RIPOR2: variants seen among roughly 807,000 people sequenced by gnomAD.
RIPOR2 encodes the protein RHO family interacting cell polarization regulator 2.
In RIPOR2, 39 loss-of-function variants were observed where a neutral mutation model predicts 114.5. The observed-to-expected ratio is 0.34, with a 90% confidence interval of 0.26 to 0.44. The LOEUF (loss-of-function observed/expected upper bound fraction) is 0.44, where lower values mean the gene tolerates loss of function less well. Among genes scored for constraint, RIPOR2 ranks in the 20% least tolerant of loss-of-function variants. The probability of loss-of-function intolerance (pLI) is 1.00; values close to 1 mark genes in which losing one functional copy is unlikely to be tolerated. For synonymous variants in RIPOR2, 445 were observed against 484.4 expected (o/e 0.92, Z 1.07); for missense variants, 1,007 against 1,255.1 (o/e 0.80, Z 2.99).
chr6:24,865,414 G>T lies in RIPOR2; in HGVS notation c.538C>A (p.Arg180Ser), dbSNP rs772462076. ...ATTTTGCTGGCACCATCCTGGAGGCGTCGCTGGATACAATAAGCTTCATAG... is the reference window on the plus strand; with the variant it reads ...ATTTTGCTGGCACCATCCTGGAGGCTTCGCTGGATACAATAAGCTTCATAG... ...ELYEAYCIQR[R>S]LQDGASKMKQ... is the part of the protein sequence containing the mutation. Residue 180 changes from arginine to serine, a missense_variant, in exon 7 of 22, where the codon CGC becomes AGC. By Grantham distance (110) the Arg-to-Ser change is moderately radical. Coordinates refer to ENST00000643898, the MANE Select transcript of RIPOR2 (RefSeq NM_001286445.3). The T allele has an allele frequency of 6.2e-7, 1 of 1,613,330 alleles. No homozygotes were observed. The highest frequency in any genetic ancestry group is 2.2e-5 in the East Asian group (1 of 44,848).
At chr6:25,020,500 G>A (rs1776267269) in intron 1 of RIPOR2, among the ~76,000 whole-genome samples, 1 of 152,196 alleles carries the variant, frequency 6.6e-6, no homozygotes. Context: ...GTGAATGAGA[G>A]CATCAACATA....
intron 1 of RIPOR2, among the ~76,000 whole-genome samples, chr6:24,963,962 T>A (rs544936609): frequency 2.6e-5 from 4 of 152,296 alleles, no homozygotes; most frequent in Admixed American, 6.5e-5. Context: ...TCTCTCAGGC[T>A]GGTCTCGAAT....
Position 24,835,729 on chromosome 6 carries a change from G to A in RIPOR2, c.2182C>T (p.Leu728Phe), listed in dbSNP as rs61733144. The change falls in exon 15 of 22, where the codon CTC becomes TTC. Residue 728 changes from leucine (L) to phenylalanine (F), a missense_variant. Leu to Phe is a conservative substitution (Grantham distance 22). Coordinates refer to ENST00000643898, the MANE Select transcript of RIPOR2 (RefSeq NM_001286445.3). ...ESLDITIVRH[L>F]QYCTQLVQQI... ...TGCACGAGTTGGGTGCAGTACTGGA[G>A]GTGCCTGACGATGGTGATGTCCAGG... 33 of 1,551,530 alleles carry A rather than the reference G, an allele frequency of 2.1e-5. No homozygotes were observed. The African/African-American group carries it at 3.8e-4, about 18-fold the overall frequency.
intron 1 of RIPOR2, among the ~76,000 whole-genome samples, chr6:24,919,867 C>A (rs1276455510): frequency 2.6e-5 from 4 of 152,184 alleles, no homozygotes; most frequent in African/African-American, 4.8e-5. Flanking sequence ...AATACACTCG[C>A]CCTCTTGTCG....
chr6:24,860,763 A>G (rs550743873), intron 8 of RIPOR2, among the ~76,000 whole-genome samples: 17 of 152,300 alleles, frequency 1.1e-4, no homozygotes, highest in African/African-American at 3.8e-4. Context: ...ACTTCTGTGT[A>G]TGTTTGAGAT....
At chr6:25,029,176 T>C (rs1209366453) in intron 1 of RIPOR2, among the ~76,000 whole-genome samples, 1 of 151,850 alleles carries the variant, frequency 6.6e-6, no homozygotes, top group African/African-American at 2.4e-5. Context: ...TAGTCCCAAG[T>C]ACTCGGGAGG....
chr6:24,939,749 T>C (rs1772020179), upstream of RIPOR2, among the ~76,000 whole-genome samples: 1 of 152,224 alleles, frequency 6.6e-6, no homozygotes, highest in Non-Finnish European at 1.5e-5. Flanking sequence ...TTTTCAGTGA[T>C]TGAGGCAAAC....
chr6:24,892,906 A>T (rs1237345503), intron 1 of RIPOR2, among the ~76,000 whole-genome samples: 5 of 152,202 alleles, frequency 3.3e-5, no homozygotes, highest in African/African-American at 4.8e-5. Flanking sequence ...ATAATTTGCT[A>T]ATTTTGTCAG....
chr6:24,971,901 A>G (rs1227158369), intron 1 of RIPOR2, among the ~76,000 whole-genome samples: 1 of 152,020 alleles, frequency 6.6e-6, no homozygotes, highest in African/African-American at 2.4e-5. Context: ...CAACTATAAA[A>G]TGAGGAGAGT....
intron 1 of RIPOR2, among the ~76,000 whole-genome samples, chr6:25,031,699 T>TTTTATA (rs1776950839): frequency 2.8e-5 from 1 of 35,462 alleles, no homozygotes; most frequent in Admixed American, 3.5e-4. Flanking sequence ...TAGGTGGTAG[T>TTTTATA]TATATATATA....
At chr6:24,978,656 T>C (rs1474277172) in intron 1 of RIPOR2, among the ~76,000 whole-genome samples, 2 of 152,220 alleles carry the variant, frequency 1.3e-5, no homozygotes, top group African/African-American at 4.8e-5. Flanking sequence ...TTGGGAATAT[T>C]GCTCTGCGAT....
intron 1 of RIPOR2, among the ~76,000 whole-genome samples, chr6:24,973,482 T>G (rs1184171831): frequency 6.6e-6 from 1 of 151,394 alleles, no homozygotes; most frequent in Non-Finnish European, 1.5e-5. Flanking sequence ...GGCGTGCGTC[T>G]GCTACTTGGG....
At chr6:25,025,422 G>C (rs1478477885) in intron 1 of RIPOR2, among the ~76,000 whole-genome samples, 1 of 152,088 alleles carries the variant, frequency 6.6e-6, no homozygotes, top group Non-Finnish European at 1.5e-5. Context: ...CTAGGGGAAT[G>C]CTGGGTGCGT....
intron 13 of RIPOR2, 154 bp from the exon 14 acceptor site, chr6:24,839,426 C>A: frequency 7.0e-7 from 1 of 1,427,892 alleles, no homozygotes; most frequent in Non-Finnish European, 9.3e-7. Flanking sequence ...ATCTTTATAT[C>A]CAAAAAAGAA....
intron 1 of RIPOR2, among the ~76,000 whole-genome samples, chr6:25,032,726 C>T (rs150656331): frequency 9.2e-5 from 14 of 152,232 alleles, no homozygotes; most frequent in African/African-American, 2.9e-4. Context: ...CAATACAATC[C>T]GCTTTACAAT....
chr6:24,847,742 T>C, intron 12 of RIPOR2: 3 of 1,500,120 alleles, frequency 2.0e-6, no homozygotes, highest in Admixed American at 2.2e-5. Context: ...ATCAGGTTAC[T>C]ACATTTTGTT....
Position 24,948,991 on chromosome 6 carries a change from CTCT to C in RIPOR2, c.77-73177_77-73175del, listed in dbSNP as rs933539252. ...CCCTCTTGTCCCTGTTCCCTGACTT[CTCT>C]TAGGTGTCAAAAACAATCCAGGGCT... On this transcript the variant is annotated intron_variant, in intron 1 of 13. Transcript: ENST00000510784. Among the ~76,000 whole-genome samples the C allele has an allele frequency of 1.4e-4, 21 of 152,320 alleles. No homozygotes were observed. In the East Asian group the frequency reaches 2.5e-3, roughly 18 times the overall value.
At chr6:25,039,210 G>T (rs772687007) in intron 1 of RIPOR2, among the ~76,000 whole-genome samples, 1 of 152,194 alleles carries the variant, frequency 6.6e-6, no homozygotes, top group Non-Finnish European at 1.5e-5. Flanking sequence ...AAATATTGTT[G>T]AGGGCCACCC....
intron 1 of RIPOR2, among the ~76,000 whole-genome samples, chr6:24,969,886 A>C (rs1773698806): frequency 6.6e-6 from 1 of 152,114 alleles, no homozygotes; most frequent in Non-Finnish European, 1.5e-5. Flanking sequence ...CCGCCTCCTA[A>C]AGAACTTCCC....
Sources: allele counts gnomAD v4.1 joint callset (sites outside exome capture counted in the v4.1 genomes callset), GRCh38; gene constraint gnomAD v4.1.1; transcripts MANE v1.5; gene names NCBI Gene and HGNC (gene_info 2026-07-23, HGNC 2026-07-21).